RFX4: variants seen among roughly 807,000 people sequenced by gnomAD.
RFX4 encodes the protein regulatory factor X4, also known as transcription factor RFX4.
In RFX4, 10 loss-of-function variants were observed where a neutral mutation model predicts 95.0. That is an observed-to-expected ratio of 0.11 (90% CI 0.06 to 0.18). The LOEUF (loss-of-function observed/expected upper bound fraction) is 0.18, where lower values mean the gene tolerates loss of function less well. Ranked by LOEUF, RFX4 falls within the 10% of genes least tolerant of loss-of-function variation. The probability of loss-of-function intolerance (pLI) is 1.00; values close to 1 mark genes in which losing one functional copy is unlikely to be tolerated. For missense variants in RFX4, 640 were observed against 922.0 expected (o/e 0.69, Z 3.96); for synonymous variants, 321 against 340.7 (o/e 0.94, Z 0.64).
chr12:106,761,294 T>G lies in RFX4; in HGVS notation c.2033T>G (p.Val678Gly). 6.2e-7 allele frequency: 1 copy of G among 1,614,080 alleles called. No homozygotes were observed. Among genetic ancestry groups the G allele is most frequent in the Non-Finnish European group, 8.5e-7 (1 of 1,180,008 alleles). Residue 678 changes from valine (V) to glycine (G), a missense_variant, in exon 18 of 18, where the codon GTG (valine) becomes GGG (glycine). By Grantham distance (109) the Val-to-Gly change is moderately radical. Around this residue, in one of 7 missense-constraint regions of RFX4, gnomAD observed 300 missense variants for 346.8 expected, o/e 0.87. Transcript: ENST00000392842. ...CCAGTCACTCCCCGCTGGCCAGAGG[T>G]GCCCTCAGCCAACACGTGCTACACA... ...PTPVTPRWPE[V>G]PSANTCYTSP...
At chr12:106,590,690 C>T (rs562982362) in intron 1 of RFX4, among the ~76,000 whole-genome samples, 2 of 152,290 alleles carry the variant, frequency 1.3e-5, no homozygotes, top group South Asian at 4.1e-4. Flanking sequence ...TTATGCCTGT[C>T]GTCCCTGCAC....
In RFX4 at chr12:106,732,910, A is replaced by ATCTC; in HGVS notation, c.1472-12_1472-9dup. 6.2e-7 allele frequency: 1 copy of ATCTC among 1,611,190 alleles called. No homozygotes were observed. The highest frequency in any genetic ancestry group is 8.5e-7 in the Non-Finnish European group (1 of 1,177,762). On this transcript the variant is annotated splice_polypyrimidine_tract_variant and intron_variant, in intron 14 of 17. Transcript: ENST00000392842. ...ACATTTGGTTTTAAAAACTTACCCT[A>ATCTC]TCTCTATCCACAGCAGAAGTCCGAG... is the stretch of plus-strand genomic sequence containing the variant.
intron 6 of RFX4, among the ~76,000 whole-genome samples, chr12:106,688,101 G>A (rs969689877): frequency 6.2e-5 from 7 of 113,072 alleles, no homozygotes; most frequent in Non-Finnish European, 1.0e-4. Context: ...ATGGAGTCTT[G>A]CTCTGTCATC....
intron 7 of RFX4, among the ~76,000 whole-genome samples, chr12:106,690,166 G>A (rs528973299): frequency 2.6e-5 from 4 of 152,136 alleles, no homozygotes; most frequent in African/African-American, 9.6e-5. Flanking sequence ...GCCTTCCCAC[G>A]GCTGTGTCCT....
In RFX4 at chr12:106,689,382, G is replaced by A. The variant is rs890351175; in HGVS notation, c.669+18G>A. 1 of 1,585,022 alleles carries A rather than the reference G, an allele frequency of 6.3e-7. No homozygotes were observed. Among genetic ancestry groups the A allele is most frequent in the Admixed American group, 1.7e-5 (1 of 59,982 alleles). On this transcript the variant is annotated intron_variant, in intron 7 of 17. Transcript: ENST00000392842. ...TTGATGAGGTAGGTCAACAAGGGTT[G>A]AGCTGTGAATACTCGGTATTAAAAA...
intron 17 of RFX4, among the ~76,000 whole-genome samples, chr12:106,753,518 T>C (rs1209599916): frequency 5.9e-5 from 9 of 152,146 alleles, no homozygotes; most frequent in African/African-American, 2.2e-4. Flanking sequence ...AAGGCAAAGA[T>C]GAAGTCCAGT....
chr12:106,625,891 C>G (rs998555233), intron 2 of RFX4, among the ~76,000 whole-genome samples: 2 of 152,154 alleles, frequency 1.3e-5, no homozygotes, highest in African/African-American at 4.8e-5. Flanking sequence ...GTGACTTGTT[C>G]AATGTCATAG....
intron 9 of RFX4, among the ~76,000 whole-genome samples, chr12:106,711,174 T>C (rs1350655465): frequency 1.3e-5 from 2 of 152,230 alleles, no homozygotes; most frequent in Non-Finnish European, 2.9e-5. Flanking sequence ...TACTCACGGT[T>C]GATTGACGCC....
At chr12:106,684,885 A>G in intron 5 of RFX4, 1 of 1,611,962 alleles carries the variant, frequency 6.2e-7, no homozygotes, top group South Asian at 1.1e-5. Context: ...CGAGATGCCC[A>G]CTAAGCAGAA....
chr12:106,585,043 TCAC>T (rs1328289699), intron 1 of RFX4, among the ~76,000 whole-genome samples: 1 of 152,232 alleles, frequency 6.6e-6, no homozygotes, highest in Non-Finnish European at 1.5e-5. Flanking sequence ...CGCTGCGCCC[TCAC>T]CACCTCCTGA....
At position 106,751,381 on chromosome 12, in the gene RFX4, A is replaced by G. The variant is rs1190784609; in HGVS notation, c.1935+588A>G. ...TTCCAAGTCTTTGCTATTGTGAATAATGCCGCAATAAACATACGTGTGCAT... is the reference window on the plus strand; with the variant it reads ...TTCCAAGTCTTTGCTATTGTGAATAGTGCCGCAATAAACATACGTGTGCAT... On this transcript the variant is annotated intron_variant, in intron 17 of 17. Transcript: ENST00000392842. Among the ~76,000 whole-genome samples, 125 of 147,390 alleles carry G rather than the reference A, an allele frequency of 8.5e-4. 1 individual carries two copies. In the East Asian group the frequency reaches 0.019, roughly 23 times the overall value.
intron 3 of RFX4, among the ~76,000 whole-genome samples, chr12:106,652,005 C>T (rs2040865636): frequency 6.6e-6 from 1 of 152,190 alleles, no homozygotes; most frequent in East Asian, 1.9e-4. Context: ...TATAGAGAAA[C>T]AATGCCGCGA....
intron 4 of RFX4, among the ~76,000 whole-genome samples, chr12:106,680,200 C>A (rs1565976384): frequency 6.6e-6 from 1 of 152,140 alleles, no homozygotes; most frequent in South Asian, 2.1e-4. Context: ...ATCTTTTTGT[C>A]AACGATTCTC....
At chr12:106,671,230 T>C (rs187732126) in intron 4 of RFX4, among the ~76,000 whole-genome samples, 57 of 152,322 alleles carry the variant, frequency 3.7e-4, no homozygotes, top group African/African-American at 1.3e-3. Context: ...TCACTTCTTG[T>C]TGATGGCAAA....
intron 2 of RFX4, among the ~76,000 whole-genome samples, chr12:106,623,987 C>G (rs1011478526): frequency 3.3e-5 from 5 of 152,178 alleles, no homozygotes; most frequent in Non-Finnish European, 7.3e-5. Flanking sequence ...ATTTTGTCCC[C>G]GAGTTAGTAC....
chr12:106,733,935 G>A (rs552629615), intron 15 of RFX4, among the ~76,000 whole-genome samples: 10 of 152,300 alleles, frequency 6.6e-5, no homozygotes, highest in Non-Finnish European at 4.4e-5. Flanking sequence ...GCGTCTTATC[G>A]ATGGATGATG....
intron 7 of RFX4, among the ~76,000 whole-genome samples, chr12:106,695,913 G>C (rs533096380): frequency 6.6e-6 from 1 of 152,256 alleles, no homozygotes; most frequent in East Asian, 1.9e-4. Context: ...AGAATAGTGA[G>C]TACTAGTGCT....
intron 17 of RFX4, among the ~76,000 whole-genome samples, chr12:106,751,183 A>T (rs931145533): frequency 1.6e-4 from 24 of 150,968 alleles, no homozygotes; most frequent in African/African-American, 5.9e-4. Flanking sequence ...GAGAACATGC[A>T]GTGTTTGGTT....
At chr12:106,639,300 TG>T in intron 2 of RFX4, 31 bp from the exon 3 acceptor site, 2 of 1,599,206 alleles carry the variant, frequency 1.3e-6, no homozygotes, top group South Asian at 2.3e-5. Flanking sequence ...TGTTTCCTAC[TG>T]AAGTTAGCTT....
Sources: allele counts gnomAD v4.1 joint callset (sites outside exome capture counted in the v4.1 genomes callset), GRCh38; gene constraint gnomAD v4.1.1; regional missense constraint gnomAD v4.1.1; transcripts MANE v1.5; gene names NCBI Gene and HGNC (gene_info 2026-07-23, HGNC 2026-07-21).